Variants in TEX101 observed in about 807,000 individuals in gnomAD.
The protein encoded by TEX101 is testis-expressed protein 101.
TEX101 carries 10 observed loss-of-function variants against 18.1 expected under a neutral mutation model. The observed-to-expected ratio is 0.55, with a 90% CI of 0.34 to 0.94. The LOEUF (loss-of-function observed/expected upper bound fraction) is 0.94. Ranked by LOEUF, TEX101 falls within the 40% of genes least tolerant of loss-of-function variation. The probability of loss-of-function intolerance (pLI) is 0.02; values close to 1 mark genes in which losing one functional copy is unlikely to be tolerated. For missense variants in TEX101, 259 were observed against 298.9 expected, an observed-to-expected ratio of 0.87 and a Z score of 0.98; for synonymous variants, 94 against 114.8, an observed-to-expected ratio of 0.82 and a Z score of 1.16.
chr19:43,396,838 T>C (rs1415149221), upstream of TEX101, among the ~76,000 whole-genome samples: 9 of 140,128 alleles, frequency 6.4e-5, no homozygotes, highest in Non-Finnish European at 1.1e-4. Context: ...TTTTTTTTTT[T>C]TTTTTTTTTT....
At chr19:43,412,596 G>T (rs191702705), upstream of TEX101, among the ~76,000 whole-genome samples, 114 of 152,202 alleles carry the variant, frequency 7.5e-4, 1 homozygote, top group African/African-American at 2.5e-3. Context: ...AAGTCACCTG[G>T]AGAGTGACTC....
At chr19:43,412,716 G>A (rs530286476), upstream of TEX101, among the ~76,000 whole-genome samples, 2 of 152,280 alleles carry the variant, frequency 1.3e-5, no homozygotes, top group South Asian at 4.1e-4. Context: ...AAAGATAACA[G>A]TTCAAAGATA....
At chr19:43,402,712 C>T (rs1428073228) in intron 1 of TEX101, 1 of 152,322 alleles carries the variant, frequency 6.6e-6, no homozygotes, top group African/African-American at 2.4e-5. Context: ...TCCTGAGTAG[C>T]TGGGACTACA....
chr19:43,389,124 A>C, the TEX101 span, among the ~76,000 whole-genome samples: 1 of 152,150 alleles, frequency 6.6e-6, no homozygotes, highest in Non-Finnish European at 1.5e-5. Context: ...GGGCATCTGC[A>C]CCAGGACTTC....
chr19:43,389,869 G>A, the TEX101 span, among the ~76,000 whole-genome samples: 1 of 152,008 alleles, frequency 6.6e-6, no homozygotes, highest in Non-Finnish European at 1.5e-5. Flanking sequence ...ACCTAAGTTT[G>A]CACCACCACC....
At chr19:43,416,667 T>C in intron 4 of TEX101, 112 bp downstream of exon 4, 2 of 988,718 alleles carry the variant, frequency 2.0e-6, no homozygotes, top group Non-Finnish European at 1.5e-6. Context: ...TACCCCAAAG[T>C]ACCTCACAGT....
At chr19:43,410,187 G>T (rs1970406122), upstream of TEX101, among the ~76,000 whole-genome samples, 1 of 152,202 alleles carries the variant, frequency 6.6e-6, no homozygotes, top group African/African-American at 2.4e-5. Flanking sequence ...AGGCCTGTTG[G>T]TAGGAGAACT....
At chr19:43,415,781 TA>T in intron 1 of TEX101, 99 bp from the exon 2 acceptor site, 1 of 1,067,136 alleles carries the variant, frequency 9.4e-7, no homozygotes, top group Non-Finnish European at 1.4e-6. Flanking sequence ...AAATGCAGAT[TA>T]AAACACCCCA....
In TEX101 at chr19:43,416,467, C is replaced by T. The variant is rs771827452; in HGVS notation, c.303C>T (p.Ile101=). Residue 101 remains isoleucine (I), a synonymous_variant, in exon 4 of 6, where the codon ATC becomes ATT. Transcript: ENST00000598265. Reference sequence around the variant, plus strand: ...AGCACTCTTCACCTCCCGGCCTGATCGTGACCTCCTACAGTAACTACTGTG... The same window carrying T: ...AGCACTCTTCACCTCCCGGCCTGATTGTGACCTCCTACAGTAACTACTGTG... ...IVQHSSPPGL[I]VTSYSNYCED... is the part of the protein sequence containing the mutation. 17 of 1,614,060 alleles carry T rather than the reference C, an allele frequency of 1.1e-5. No individual in the cohort carries two copies. In the African/African-American group the frequency reaches 1.1e-4, roughly 10 times the overall value.
chr19:43,401,806 T>C (rs560052933), intron 1 of TEX101, among the ~76,000 whole-genome samples: 4 of 151,986 alleles, frequency 2.6e-5, no homozygotes, highest in African/African-American at 7.2e-5. Context: ...GATTGTGCCA[T>C]TGCACTCCAG....
rs548944430 is a variant in TEX101 at position 43,416,938 on chromosome 19, C to T, written c.391+383C>T. Among the ~76,000 whole-genome samples, 3 of 149,574 alleles carry T rather than the reference C, an allele frequency of 2.0e-5. No individual in the cohort carries two copies. In the East Asian group the frequency reaches 5.9e-4, roughly 29 times the overall value. The stretch of plus-strand genomic sequence containing the variant: ...ATCCCAGATACTCGGGAAGCTGAGG[C>T]AGGAGAATTGCTTGAACCCAGGAGG... On this transcript the variant is annotated intron_variant, in intron 4 of 5. Coordinates refer to ENST00000598265, the MANE Select transcript of TEX101 (RefSeq NM_001130011.3).
upstream of TEX101, among the ~76,000 whole-genome samples, chr19:43,411,376 C>T (rs555404550): frequency 2.1e-3 from 315 of 151,988 alleles, 2 homozygotes; most frequent in African/African-American, 7.4e-3. Context: ...GTGCCTGGCC[C>T]ATTAGAAAGT....
chr19:43,396,372 A>G, the TEX101 span, among the ~76,000 whole-genome samples: 1 of 152,160 alleles, frequency 6.6e-6, no homozygotes, highest in Non-Finnish European at 1.5e-5. Flanking sequence ...TTACTCAAAA[A>G]TTTTCCTTAA....
chr19:43,393,107 A>AAGGAAGGAAG, the TEX101 span, among the ~76,000 whole-genome samples: 130 of 78,046 alleles, frequency 1.7e-3, no homozygotes, highest in Middle Eastern at 0.015. Flanking sequence ...AAGGAAGGAA[A>AAGGAAGGAAG]GAAAGAAGGA....
At chr19:43,397,252 T>A (rs1970275488), upstream of TEX101, among the ~76,000 whole-genome samples, 1 of 152,146 alleles carries the variant, frequency 6.6e-6, no homozygotes, top group East Asian at 1.9e-4. Flanking sequence ...CTGAAGGGTC[T>A]GCTTTCTAGA....
At chr19:43,414,393 G>A (rs772581159), upstream of TEX101, among the ~76,000 whole-genome samples, 7 of 152,158 alleles carry the variant, frequency 4.6e-5, no homozygotes, top group African/African-American at 9.7e-5. Context: ...GTGCGATAGC[G>A]CAATCAGATG....
At chr19:43,389,349 C>T in the TEX101 span, among the ~76,000 whole-genome samples, 1 of 152,242 alleles carries the variant, frequency 6.6e-6, no homozygotes, top group Non-Finnish European at 1.5e-5. Context: ...CGAACAGCAC[C>T]AGGAAGCAGA....
At position 43,406,937 on chromosome 19, in the gene TEX101, T is replaced by TGTCTTTG. The variant is rs1555745352; in HGVS notation, c.15+418_15+419insGTCTTTG. Among the ~76,000 whole-genome samples, 3 of 96,078 alleles carry TGTCTTTG rather than the reference T, an allele frequency of 3.1e-5. No homozygotes were observed. In the South Asian group the frequency reaches 1.1e-3, roughly 36 times the overall value. The allele number at this position is 96,078 out of a possible 152,430, so 63.0% of individuals were successfully genotyped here. ...TTTTTTGTCTTTGTTTTTTGTTTTT[T>TGTCTTTG]TTTTTTTTTTTGACAGGGTCTCATT... is the stretch of plus-strand genomic sequence containing the variant. On this transcript the variant is annotated intron_variant, in intron 3 of 7. Coordinates refer to the TEX101 transcript ENST00000602198.
the TEX101 span, among the ~76,000 whole-genome samples, chr19:43,388,839 G>A: frequency 1.3e-5 from 2 of 152,246 alleles, no homozygotes; most frequent in Admixed American, 6.5e-5. Context: ...ATGTGAGGGG[G>A]GTTTCTGGGC....
Sources: allele counts gnomAD v4.1 joint callset (sites outside exome capture counted in the v4.1 genomes callset), GRCh38; gene constraint gnomAD v4.1.1; transcripts MANE v1.5; gene names NCBI Gene and HGNC (gene_info 2026-07-23, HGNC 2026-07-21).